Variants in USPL1 observed in about 807,000 individuals in gnomAD.
The protein encoded by USPL1 is ubiquitin specific peptidase like 1.
In USPL1, 27 loss-of-function variants were observed where a neutral mutation model predicts 51.5. The ratio of observed to expected loss-of-function variants is 0.52; its 90% CI spans 0.39 to 0.72. The LOEUF (loss-of-function observed/expected upper bound fraction) is 0.72. Ranked by LOEUF, USPL1 falls within the 30% of genes least tolerant of loss-of-function variation. USPL1 has a pLI of 0.00. For missense variants in USPL1, 1,226 were observed against 1,268.0 expected, an observed-to-expected ratio of 0.97 and a Z score of 0.50; for synonymous variants, 451 against 459.6, an observed-to-expected ratio of 0.98 and a Z score of 0.24.
rs763143408 is a variant in USPL1 at position 30,621,237 on chromosome 13, A to G, written c.97A>G (p.Lys33Glu). The G allele has an allele frequency of 3.2e-6, 5 of 1,581,528 alleles. No homozygotes were observed. The South Asian group carries it at 6.1e-5, about 19-fold the overall frequency. The part of the protein sequence containing the change: ...SSLHMVGYLG[K>E]NFDSAKVPSD... ...ACTCCACATGGTGGGGTATTTGGGAAAAGTTAGTGAACTTATTTTTTGCCT... is the reference window on the plus strand; with the variant it reads ...ACTCCACATGGTGGGGTATTTGGGAGAAGTTAGTGAACTTATTTTTTGCCT... The change falls in exon 2 of 9, where the codon AAA becomes GAA. Residue 33 changes from lysine to glutamate, a missense_variant and splice_region_variant. Lys to Glu is a moderately conservative substitution (Grantham distance 56). Transcript: ENST00000255304.
intron 8 of USPL1, among the ~76,000 whole-genome samples, chr13:30,654,167 G>A (rs758559998): frequency 9.9e-5 from 15 of 152,134 alleles, no homozygotes; most frequent in Admixed American, 9.2e-4. Context: ...TCCACTTCAG[G>A]TGCAGCATGG....
intron 7 of USPL1, among the ~76,000 whole-genome samples, chr13:30,648,046 C>A (rs150644224): frequency 2.0e-5 from 3 of 152,176 alleles, no homozygotes; most frequent in Non-Finnish European, 2.9e-5. Context: ...CACACCAACA[C>A]CTGGGCCCCA....
At chr13:30,646,868 C>T in intron 6 of USPL1, 64 bp from the exon 7 acceptor site, 1 of 1,527,584 alleles carries the variant, frequency 6.5e-7, no homozygotes, top group Non-Finnish European at 8.9e-7. Context: ...TACTTTTAGA[C>T]ATTGGTTTAA....
In USPL1 at chr13:30,631,276, G is replaced by A. The variant is rs1566049432; in HGVS notation, c.670G>A (p.Ala224Thr). ...LESKCTSFPQ[A>T]LCVQWKNAYA... is the part of the protein sequence containing the mutation. The stretch of plus-strand genomic sequence containing the variant: ...GAGCAAATGTACATCATTTCCCCAG[G>A]CTTTATGTGTCCAGTGGAAAAATGC... Residue 224 changes from alanine to threonine, a missense_variant, in exon 4 of 9, where the codon GCT becomes ACT. Coordinates refer to ENST00000255304, the MANE Select transcript of USPL1 (RefSeq NM_005800.5). 1.2e-6 allele frequency: 2 copies of A among 1,614,086 alleles called. No individual in the cohort carries two copies. The highest frequency in any genetic ancestry group is 1.1e-5 in the South Asian group (1 of 91,088).
intron 3 of USPL1, among the ~76,000 whole-genome samples, chr13:30,629,750 T>C (rs1950775419): frequency 6.6e-6 from 1 of 152,150 alleles, no homozygotes; most frequent in African/African-American, 2.4e-5. Flanking sequence ...GAAGAAGGGC[T>C]TGTCCTCTTG....
intron 8 of USPL1, among the ~76,000 whole-genome samples, chr13:30,656,710 T>C (rs1396766324): frequency 6.6e-6 from 1 of 152,200 alleles, no homozygotes; most frequent in Non-Finnish European, 1.5e-5. Context: ...GTCTTAACGG[T>C]AATTCTGTGT....
Position 30,658,648 on chromosome 13 carries a change from C to G in USPL1, c.2571C>G (p.Thr857=). Residue 857 remains threonine, a synonymous_variant, in exon 9 of 9, where the codon ACC becomes ACG. Transcript: ENST00000255304. ...ASEVLEKSGS[T]SCGAQLNHSS... ...AAGTTTTGGAAAAGTCTGGAAGCACCTCATGTGGAGCTCAACTCAACCACA... is the reference window on the plus strand; with the variant it reads ...AAGTTTTGGAAAAGTCTGGAAGCACGTCATGTGGAGCTCAACTCAACCACA... The G allele has an allele frequency of 6.2e-7, 1 of 1,614,220 alleles. No homozygotes were observed. The highest frequency in any genetic ancestry group is 8.5e-7 in the Non-Finnish European group (1 of 1,180,054).
intron 8 of USPL1, among the ~76,000 whole-genome samples, chr13:30,653,906 A>G (rs554639426): frequency 3.3e-5 from 5 of 152,256 alleles, no homozygotes; most frequent in Non-Finnish European, 5.9e-5. Context: ...CAAGCCATTG[A>G]TAAGGGCTCA....
chr13:30,628,066 T>C (rs942604154), intron 3 of USPL1, among the ~76,000 whole-genome samples: 1 of 125,342 alleles, frequency 8.0e-6, no homozygotes, highest in Non-Finnish European at 1.7e-5. Flanking sequence ...TTTTTTTTTT[T>C]GTATTTTTAG....
intron 1 of USPL1, among the ~76,000 whole-genome samples, chr13:30,620,862 T>C (rs1009890883): frequency 7.2e-5 from 11 of 152,328 alleles, no homozygotes; most frequent in African/African-American, 2.4e-4. Flanking sequence ...AAACCGGTCC[T>C]GTTGCCAGTC....
chr13:30,618,959 GGGAA>G (rs1950610281), intron 1 of USPL1, among the ~76,000 whole-genome samples: 4 of 152,124 alleles, frequency 2.6e-5, no homozygotes, highest in African/African-American at 9.7e-5. Context: ...TGATATGGAA[GGGAA>G]AGAGGTAGAG....
At chr13:30,622,131 GT>G (rs1315945760) in intron 3 of USPL1, among the ~76,000 whole-genome samples, 1 of 151,526 alleles carries the variant, frequency 6.6e-6, no homozygotes, top group Admixed American at 6.6e-5. Flanking sequence ...ACATTTCAAG[GT>G]TTTTTTCTTT....
intron 6 of USPL1, among the ~76,000 whole-genome samples, chr13:30,646,043 A>G (rs914373326): frequency 1.3e-5 from 2 of 152,222 alleles, no homozygotes; most frequent in African/African-American, 4.8e-5. Flanking sequence ...GCATTTGTTG[A>G]TATCTTTATG....
Position 30,658,340 on chromosome 13 carries a change from T to C in USPL1, c.2263T>C (p.Phe755Leu). The change falls in exon 9 of 9, where the codon TTT (phenylalanine) becomes CTT (leucine). Residue 755 changes from phenylalanine (F) to leucine (L), a missense_variant. Coordinates refer to ENST00000255304, the MANE Select transcript of USPL1 (RefSeq NM_005800.5). ...TCTGAAAGAAAATCAGAAGAAGCCA[T>C]TTGTGGGAAGTTGGGTTAAAGGCTT... ...QSLKENQKKP[F>L]VGSWVKGLIS... The C allele has an allele frequency of 6.2e-7, 1 of 1,613,940 alleles. No individual in the cohort carries two copies. The highest frequency in any genetic ancestry group is 1.1e-5 in the South Asian group (1 of 91,062).
chr13:30,621,263 G>C, intron 2 of USPL1, 24 bp downstream of exon 2: 1 of 1,534,394 alleles, frequency 6.5e-7, no homozygotes, highest in Non-Finnish European at 8.8e-7. Context: ...TTTTTTGCCT[G>C]AGTGCAAAGT....
intron 6 of USPL1, among the ~76,000 whole-genome samples, chr13:30,644,946 A>G (rs1225782990): frequency 3.3e-5 from 5 of 152,186 alleles, no homozygotes; most frequent in African/African-American, 4.8e-5. Flanking sequence ...CCAGTCTTCT[A>G]TCATTGCTTT....
At chr13:30,654,444 G>A (rs1593393439) in intron 8 of USPL1, among the ~76,000 whole-genome samples, 1 of 150,746 alleles carries the variant, frequency 6.6e-6, no homozygotes, top group Admixed American at 6.6e-5. Flanking sequence ...TATTGCCCAG[G>A]CTGTTCTCAA....
intron 3 of USPL1, among the ~76,000 whole-genome samples, chr13:30,626,558 T>C (rs2137618699): frequency 6.6e-6 from 1 of 152,308 alleles, no homozygotes; most frequent in South Asian, 2.1e-4. Flanking sequence ...CCTTTATCAG[T>C]AAACTTTGCT....
In USPL1 at chr13:30,657,571, A is replaced by T; in HGVS notation, c.1494A>T (p.Glu498Asp). 1 of 1,614,204 alleles carries T rather than the reference A, an allele frequency of 6.2e-7. No homozygotes were observed. The highest frequency in any genetic ancestry group is 1.3e-5 in the African/African-American group (1 of 75,048). ...CAGAGATACATATTGTTATTTGGGA[A>T]AGAAAAATATCCCAAGTGACAGATA... ...PASEIHIVIW[E>D]RKISQVTDKE... The change falls in exon 9 of 9, where the codon GAA becomes GAT. Residue 498 changes from glutamate (E) to aspartate (D), a missense_variant. By Grantham distance (45) the Glu-to-Asp change is conservative. Transcript: ENST00000255304.
Sources: allele counts gnomAD v4.1 joint callset (sites outside exome capture counted in the v4.1 genomes callset), GRCh38; gene constraint gnomAD v4.1.1; transcripts MANE v1.5; gene names NCBI Gene and HGNC (gene_info 2026-07-23, HGNC 2026-07-21).